MAF: variants seen among roughly 807,000 people sequenced by gnomAD.
MAF encodes MAF bZIP transcription factor.
MAF carries 10 observed loss-of-function variants against 22.0 expected under a neutral mutation model. That is an observed-to-expected ratio of 0.45 (90% confidence interval 0.28 to 0.77). MAF has a LOEUF of 0.77. Among genes scored for constraint, MAF ranks in the 30% least tolerant of loss-of-function variants. The pLI is 0.12. For synonymous variants in MAF, 337 were observed against 255.8 expected (o/e 1.32, Z -3.03); for missense variants, 544 against 548.4 (o/e 0.99, Z 0.08).
chr16:79,256,418 G>C, the MAF span, among the ~76,000 whole-genome samples: 1 of 152,082 alleles, frequency 6.6e-6, no homozygotes, highest in Non-Finnish European at 1.5e-5. Flanking sequence ...TGAATTTCAG[G>C]TGAGTTAGCG....
chr16:79,389,423 A>G, the MAF span, among the ~76,000 whole-genome samples: 1 of 151,934 alleles, frequency 6.6e-6, no homozygotes, highest in Non-Finnish European at 1.5e-5. Context: ...CACACCAGCA[A>G]TGTTTTGTAT....
chr16:79,339,356 G>A, the MAF span, among the ~76,000 whole-genome samples: 82 of 152,308 alleles, frequency 5.4e-4, no homozygotes, highest in Non-Finnish European at 1.3e-4. Flanking sequence ...ACCGCACCCG[G>A]CCTGGGTCAT....
chr16:79,413,336 G>A, the MAF span, among the ~76,000 whole-genome samples: 2 of 137,466 alleles, frequency 1.5e-5, no homozygotes, highest in East Asian at 2.4e-4. Flanking sequence ...TCCGCCTCCC[G>A]GGTTCACGCC....
chr16:79,261,339 G>C, the MAF span, among the ~76,000 whole-genome samples: 1 of 113,624 alleles, frequency 8.8e-6, no homozygotes, highest in African/African-American at 2.8e-5. Context: ...TTTTACTAGA[G>C]ACCGGGTTTC....
At chr16:79,285,098 G>A in the MAF span, among the ~76,000 whole-genome samples, 5 of 152,110 alleles carry the variant, frequency 3.3e-5, no homozygotes, top group African/African-American at 4.8e-5. Context: ...CCTATTTCAT[G>A]CTCATTTAAA....
chr16:79,231,893 G>C, the MAF span, among the ~76,000 whole-genome samples: 1 of 151,974 alleles, frequency 6.6e-6, no homozygotes, highest in African/African-American at 2.4e-5. Context: ...TTATTTTCCT[G>C]CAACTAGACG....
At chr16:79,506,559 G>A in the MAF span, among the ~76,000 whole-genome samples, 2 of 152,144 alleles carry the variant, frequency 1.3e-5, no homozygotes, top group Non-Finnish European at 2.9e-5. Flanking sequence ...AGGGCTGGTA[G>A]ATAAAAAGGA....
the MAF span, among the ~76,000 whole-genome samples, chr16:79,207,666 T>C: frequency 6.6e-6 from 1 of 152,232 alleles, no homozygotes; most frequent in Non-Finnish European, 1.5e-5. Context: ...CTCCTCTTTC[T>C]TTTAAATGAG....
the MAF span, among the ~76,000 whole-genome samples, chr16:79,244,602 T>A: frequency 6.6e-6 from 1 of 152,078 alleles, no homozygotes; most frequent in African/African-American, 2.4e-5. Context: ...TCCAGGCTCA[T>A]GAGTAGGAAG....
At chr16:79,252,098 G>A in the MAF span, among the ~76,000 whole-genome samples, 10 of 152,216 alleles carry the variant, frequency 6.6e-5, no homozygotes, top group Non-Finnish European at 1.2e-4. Context: ...GAAACATTTG[G>A]TCAATGTGAT....
At chr16:79,278,145 G>C in the MAF span, among the ~76,000 whole-genome samples, 1 of 152,200 alleles carries the variant, frequency 6.6e-6, no homozygotes, top group East Asian at 1.9e-4. Context: ...ACTAGATTGA[G>C]TCGTCCAGGT....
the MAF span, among the ~76,000 whole-genome samples, chr16:79,225,748 C>T: frequency 6.6e-6 from 1 of 152,174 alleles, no homozygotes; most frequent in Admixed American, 6.5e-5. Flanking sequence ...CAAAAGAAGA[C>T]ATTTATACAG....
the MAF span, among the ~76,000 whole-genome samples, chr16:79,224,323 A>C: frequency 2.6e-5 from 4 of 152,210 alleles, no homozygotes; most frequent in Non-Finnish European, 4.4e-5. Flanking sequence ...CTTCATGCTA[A>C]AACTCTCAAT....
At chr16:79,475,254 G>T in the MAF span, among the ~76,000 whole-genome samples, 1 of 151,400 alleles carries the variant, frequency 6.6e-6, no homozygotes, top group Non-Finnish European at 1.5e-5. Flanking sequence ...CCTAGAATTA[G>T]CTTTAAAATA....
chr16:79,561,185 AT>A, the MAF span, among the ~76,000 whole-genome samples: 1 of 152,074 alleles, frequency 6.6e-6, no homozygotes, highest in East Asian at 1.9e-4. Flanking sequence ...CCCCTTACAC[AT>A]TAACAGAATT....
the MAF span, among the ~76,000 whole-genome samples, chr16:79,213,221 C>T: frequency 2.6e-5 from 4 of 152,140 alleles, no homozygotes; most frequent in Non-Finnish European, 5.9e-5. Context: ...CATTGTTCCC[C>T]CTCCTGATCA....
the MAF span, among the ~76,000 whole-genome samples, chr16:79,557,378 G>C: frequency 1.3e-5 from 2 of 152,010 alleles, no homozygotes; most frequent in African/African-American, 2.4e-5. Flanking sequence ...GAATTTTCCA[G>C]ACTTTCAGGT....
At chr16:79,479,505 G>A in the MAF span, among the ~76,000 whole-genome samples, 3 of 152,162 alleles carry the variant, frequency 2.0e-5, no homozygotes, top group Non-Finnish European at 4.4e-5. Flanking sequence ...TTGTCAGGGC[G>A]GGGCCATCAC....
the MAF span, among the ~76,000 whole-genome samples, chr16:79,420,610 G>T: frequency 6.6e-6 from 1 of 151,524 alleles, no homozygotes; most frequent in African/African-American, 2.4e-5. Context: ...CATCATTACC[G>T]CCCAGAGTTT....
Sources: allele counts gnomAD v4.1 joint callset (sites outside exome capture counted in the v4.1 genomes callset), GRCh38; gene constraint gnomAD v4.1.1; transcripts MANE v1.5; gene names NCBI Gene and HGNC (gene_info 2026-07-23, HGNC 2026-07-21).